Variants in MTMR3 observed in about 807,000 individuals in gnomAD.
MTMR3 encodes the protein myotubularin related protein 3.
Under a neutral mutation model 132.4 loss-of-function variants are expected in MTMR3, and 32 were observed. The ratio of observed to expected loss-of-function variants is 0.24; its 90% CI spans 0.18 to 0.32. The LOEUF (loss-of-function observed/expected upper bound fraction) is 0.32. Ranked by LOEUF, MTMR3 falls within the 10% of genes least tolerant of loss-of-function variation. MTMR3 has a pLI of 1.00. For synonymous variants in MTMR3, 556 were observed against 550.3 expected (o/e 1.01, Z -0.14); for missense variants, 1,216 against 1,489.6 (o/e 0.82, Z 3.02).
chr22:30,007,072 C>T (rs1170462641), intron 9 of MTMR3, 42 bp from the exon 10 acceptor site: 15 of 1,597,808 alleles, frequency 9.4e-6, no homozygotes, highest in Non-Finnish European at 1.3e-5. Flanking sequence ...GTACAGAGAG[C>T]ATCTGAATGG....
At chr22:29,944,851 AC>A (rs2065922884) in intron 1 of MTMR3, among the ~76,000 whole-genome samples, 1 of 152,202 alleles carries the variant, frequency 6.6e-6, no homozygotes, top group Admixed American at 6.5e-5. Context: ...AGAAATGTTT[AC>A]TTTTATATTT....
At chr22:29,976,126 T>G (rs889665124) in intron 3 of MTMR3, among the ~76,000 whole-genome samples, 5 of 151,952 alleles carry the variant, frequency 3.3e-5, no homozygotes, top group South Asian at 2.1e-4. Flanking sequence ...GTGTGTTTTT[T>G]TTTTTTTTTT....
chr22:29,928,641 T>C (rs569694441), intron 1 of MTMR3, among the ~76,000 whole-genome samples: 2 of 152,298 alleles, frequency 1.3e-5, no homozygotes, highest in Admixed American at 6.5e-5. Flanking sequence ...GTTTTTTGTT[T>C]TTACAACCTG....
Position 29,949,141 on chromosome 22 carries a change from ACACCCCCCCCCCCCC to A in MTMR3, c.-137-7893_-137-7879del, listed in dbSNP as rs1405646341. Among the ~76,000 whole-genome samples the A allele has an allele frequency of 9.8e-4, 17 of 17,408 alleles. 1 individual carries two copies. The highest frequency in any genetic ancestry group is 4.8e-3 in the African/African-American group (15 of 3,112). The allele number at this position is 17,408 out of a possible 152,430, so 11.4% of individuals were successfully genotyped here. ...CACACACACACACACACACACACACACACCCCCCCCCCCCCCCCCGAGGCCCTGTCTTAAAACACA... is the reference window on the plus strand; with the variant it reads ...CACACACACACACACACACACACACACCCCGAGGCCCTGTCTTAAAACACA... On this transcript the variant is annotated intron_variant, in intron 1 of 19. Transcript: ENST00000401950.
Position 30,020,159 on chromosome 22 carries a change from C to G in MTMR3, c.2500C>G (p.Pro834Ala). Residue 834 changes from proline (P) to alanine (A), a missense_variant, in exon 17 of 20, where the codon CCT (proline) becomes GCT (alanine). Transcript: ENST00000401950. ...QSCSLLPSQV[P>A]FETRGPNVDS... is the part of the protein sequence containing the mutation. ...ATGTTCTCTGCTACCTTCCCAAGTC[C>G]CTTTTGAGACCAGAGGACCAAACGT... The G allele has an allele frequency of 6.2e-7, 1 of 1,614,224 alleles. No homozygotes were observed. Among genetic ancestry groups the G allele is most frequent in the Non-Finnish European group, 8.5e-7 (1 of 1,180,046 alleles).
chr22:29,970,186 A>C (rs1382487609), intron 2 of MTMR3, among the ~76,000 whole-genome samples: 1 of 152,224 alleles, frequency 6.6e-6, no homozygotes, highest in Non-Finnish European at 1.5e-5. Flanking sequence ...AGAGCATAGA[A>C]TATTTGGGTA....
chr22:30,013,994 G>A, intron 14 of MTMR3: 1 of 155,404 alleles, frequency 6.4e-6, no homozygotes, highest in Non-Finnish European at 1.4e-5. Context: ...GCTGGCTCCA[G>A]CATTTCTCTT....
At chr22:29,961,683 T>C (rs1180069369) in intron 2 of MTMR3, among the ~76,000 whole-genome samples, 1 of 152,194 alleles carries the variant, frequency 6.6e-6, no homozygotes, top group African/African-American at 2.4e-5. Flanking sequence ...CCTAGTTGTA[T>C]AGTGTTTATA....
intron 1 of MTMR3, among the ~76,000 whole-genome samples, chr22:29,918,025 C>T (rs561876848): frequency 6.6e-6 from 1 of 152,244 alleles, no homozygotes; most frequent in East Asian, 1.9e-4. Flanking sequence ...TCTGAAATCA[C>T]GAAATGCCTC....
chr22:29,916,237 A>G (rs1052687782), intron 1 of MTMR3, among the ~76,000 whole-genome samples: 2 of 152,206 alleles, frequency 1.3e-5, no homozygotes, highest in African/African-American at 2.4e-5. Context: ...TTAATCAGTC[A>G]GAAGGAGAAT....
At chr22:29,963,392 CTTT>C (rs1204239353) in intron 2 of MTMR3, among the ~76,000 whole-genome samples, 2 of 135,010 alleles carry the variant, frequency 1.5e-5, no homozygotes, top group African/African-American at 2.7e-5. Flanking sequence ...CACTTAATTC[CTTT>C]TTTTTTTTTT....
intron 8 of MTMR3, 49 bp downstream of exon 8, chr22:29,998,906 A>G: frequency 8.0e-7 from 1 of 1,245,646 alleles, no homozygotes; most frequent in Non-Finnish European, 1.1e-6. Context: ...GTGCCTTTGC[A>G]GAAACCGCAA....
At chr22:29,889,608 TA>T (rs953883363) in intron 1 of MTMR3, among the ~76,000 whole-genome samples, 5 of 150,044 alleles carry the variant, frequency 3.3e-5, no homozygotes, top group African/African-American at 9.8e-5. Flanking sequence ...TAGTGTTTTT[TA>T]AAAAAAAAAG....
At chr22:29,973,361 A>G (rs1413834667) in intron 3 of MTMR3, among the ~76,000 whole-genome samples, 1 of 152,224 alleles carries the variant, frequency 6.6e-6, no homozygotes, top group Non-Finnish European at 1.5e-5. Flanking sequence ...TGCAGTAATC[A>G]TAAATTCATG....
intron 7 of MTMR3, 133 bp from the exon 8 acceptor site, chr22:29,998,628 G>C: frequency 2.2e-6 from 1 of 450,740 alleles, no homozygotes; most frequent in Non-Finnish European, 3.7e-6. Context: ...ATGTGACAGA[G>C]TGGAATCCTG....
intron 1 of MTMR3, among the ~76,000 whole-genome samples, chr22:29,929,012 G>T: frequency 6.6e-6 from 1 of 152,124 alleles, no homozygotes; most frequent in East Asian, 1.9e-4. Flanking sequence ...GGGCATGGTG[G>T]CTCATGCCTG....
intron 6 of MTMR3, 52 bp downstream of exon 6, chr22:29,988,614 A>G: frequency 7.3e-7 from 1 of 1,365,526 alleles, no homozygotes; most frequent in Non-Finnish European, 1.0e-6. Flanking sequence ...AATATTTTTT[A>G]AAGAATGGGT....
At chr22:29,897,611 C>A (rs2064927742) in intron 1 of MTMR3, among the ~76,000 whole-genome samples, 1 of 151,814 alleles carries the variant, frequency 6.6e-6, no homozygotes, top group Admixed American at 6.6e-5. Flanking sequence ...CGTCACCATG[C>A]CCGGCTAATT....
intron 3 of MTMR3, among the ~76,000 whole-genome samples, chr22:29,972,640 G>A (rs2066557777): frequency 1.3e-5 from 2 of 152,190 alleles, no homozygotes; most frequent in Middle Eastern, 3.4e-3. Context: ...GTGCGATCTC[G>A]GCTCACTGCA....
Sources: allele counts gnomAD v4.1 joint callset (sites outside exome capture counted in the v4.1 genomes callset), GRCh38; gene constraint gnomAD v4.1.1; transcripts MANE v1.5; gene names NCBI Gene and HGNC (gene_info 2026-07-23, HGNC 2026-07-21).